AP3B1: variants seen among roughly 807,000 people sequenced by gnomAD.
AP3B1 encodes adaptor related protein complex 3 subunit beta 1.
In AP3B1, 61 loss-of-function variants were observed where a neutral mutation model predicts 132.5. The ratio of observed to expected loss-of-function variants is 0.46; its 90% CI spans 0.37 to 0.57. The LOEUF is 0.57. AP3B1 is among the 20% of genes least tolerant of loss of function. The probability of loss-of-function intolerance (pLI) is 0.00; values close to 1 mark genes in which losing one functional copy is unlikely to be tolerated. For missense variants in AP3B1, 1,120 were observed against 1,289.4 expected, an observed-to-expected ratio of 0.87 and a Z score of 2.01; for synonymous variants, 388 against 438.3, an observed-to-expected ratio of 0.89 and a Z score of 1.43.
intron 26 of AP3B1, among the ~76,000 whole-genome samples, chr5:78,004,002 C>T (rs1236983606): frequency 2.0e-5 from 3 of 152,136 alleles, no homozygotes; most frequent in African/African-American, 7.2e-5. Context: ...GGTTTGATTG[C>T]AGGGATGACT....
At chr5:78,210,323 C>T (rs1745682840) in intron 7 of AP3B1, among the ~76,000 whole-genome samples, 1 of 152,046 alleles carries the variant, frequency 6.6e-6, no homozygotes, top group African/African-American at 2.4e-5. Flanking sequence ...CCCTGAAGTA[C>T]CTCTGTACCT....
chr5:78,059,320 A>T (rs1386973227), intron 22 of AP3B1, among the ~76,000 whole-genome samples: 1 of 152,236 alleles, frequency 6.6e-6, no homozygotes, highest in Non-Finnish European at 1.5e-5. Context: ...TCCAGAAGGA[A>T]CATGGTCATG....
chr5:78,229,919 C>G (rs949679699), intron 3 of AP3B1, among the ~76,000 whole-genome samples: 2 of 151,994 alleles, frequency 1.3e-5, no homozygotes, highest in African/African-American at 4.8e-5. Flanking sequence ...CTGTCATGAC[C>G]TTCCTTCCTT....
chr5:78,152,020 C>T (rs1381237412), intron 14 of AP3B1, among the ~76,000 whole-genome samples: 8 of 68,278 alleles, frequency 1.2e-4, no homozygotes, highest in Non-Finnish European at 3.0e-5. Context: ...CCCTTCCCTC[C>T]CCTCCCCCTT....
At chr5:78,284,686 C>T (rs1273433082) in intron 1 of AP3B1, among the ~76,000 whole-genome samples, 1 of 152,122 alleles carries the variant, frequency 6.6e-6, no homozygotes, top group Non-Finnish European at 1.5e-5. Flanking sequence ...ATATATACTA[C>T]ATTAACCGAT....
At chr5:78,096,454 G>C (rs888194802) in intron 21 of AP3B1, among the ~76,000 whole-genome samples, 4 of 151,754 alleles carry the variant, frequency 2.6e-5, no homozygotes, top group African/African-American at 4.8e-5. Flanking sequence ...AGTGAGGAGC[G>C]TCTCTGCCTG....
intron 20 of AP3B1, 21 bp downstream of exon 20, chr5:78,110,186 A>T (rs1383383964): frequency 6.3e-7 from 1 of 1,590,192 alleles, no homozygotes. Flanking sequence ...CTTCAATTAC[A>T]ACAAATGTAT....
At chr5:78,116,024 C>G in intron 18 of AP3B1, 102 bp downstream of exon 18, 1 of 877,646 alleles carries the variant, frequency 1.1e-6, no homozygotes, top group Non-Finnish European at 1.9e-6. Context: ...ACAAACTTCA[C>G]TTAAAACTAC....
At chr5:78,280,078 A>G (rs1394095229) in intron 1 of AP3B1, among the ~76,000 whole-genome samples, 1 of 149,194 alleles carries the variant, frequency 6.7e-6, no homozygotes, top group East Asian at 2.0e-4. Flanking sequence ...GTCTCAAAAA[A>G]AAAAAAAAAA....
intron 2 of AP3B1, among the ~76,000 whole-genome samples, chr5:78,246,970 G>T (rs560350498): frequency 1.3e-5 from 2 of 152,014 alleles, no homozygotes; most frequent in Admixed American, 6.5e-5. Context: ...AAATTTCCTT[G>T]TAAGTACTGT....
intron 20 of AP3B1, among the ~76,000 whole-genome samples, chr5:78,107,278 G>A (rs937686961): frequency 6.6e-6 from 1 of 152,178 alleles, no homozygotes; most frequent in African/African-American, 2.4e-5. Flanking sequence ...AGGCTACTGG[G>A]TTTGGGGAAG....
chr5:78,181,410 C>A (rs1580453211), intron 8 of AP3B1, 97 bp downstream of exon 8: 2 of 1,135,288 alleles, frequency 1.8e-6, no homozygotes, highest in East Asian at 4.9e-5. Context: ...AACAAATGCT[C>A]CATTAGCACA....
chr5:78,279,348 G>C (rs557191765), intron 1 of AP3B1, among the ~76,000 whole-genome samples: 1 of 152,182 alleles, frequency 6.6e-6, no homozygotes, highest in South Asian at 2.1e-4. Context: ...TCTTATTTTA[G>C]TATCACAAAG....
intron 13 of AP3B1, among the ~76,000 whole-genome samples, chr5:78,161,332 G>T (rs887351579): frequency 6.6e-6 from 1 of 151,870 alleles, no homozygotes; most frequent in Non-Finnish European, 1.5e-5. Context: ...GTATTTGAAT[G>T]AACTAATCAG....
chr5:78,106,024 G>A (rs1286663239), intron 20 of AP3B1, among the ~76,000 whole-genome samples: 2 of 152,192 alleles, frequency 1.3e-5, no homozygotes, highest in Admixed American at 6.5e-5. Context: ...GAGAAGTGGA[G>A]GGTCACAGTG....
In AP3B1 at chr5:78,247,553, G is replaced by C. The variant is rs187945859; in HGVS notation, c.205-6617C>G. 2.6e-5 allele frequency among the ~76,000 whole-genome samples: 4 copies of C among 151,276 alleles called. No homozygotes were observed. In the East Asian group the frequency reaches 7.7e-4, roughly 29 times the overall value. On this transcript the variant is annotated intron_variant, in intron 2 of 26. Transcript: ENST00000255194. ...TTTGAAGCTCTGTTGTTAGACACATGTAAGATTATTATGTCTTTTTGGGAA... is the reference window on the plus strand; with the variant it reads ...TTTGAAGCTCTGTTGTTAGACACATCTAAGATTATTATGTCTTTTTGGGAA...
intron 22 of AP3B1, among the ~76,000 whole-genome samples, chr5:78,069,373 T>C (rs1372876796): frequency 6.6e-6 from 1 of 152,212 alleles, no homozygotes; most frequent in Non-Finnish European, 1.5e-5. Context: ...GCCCAAAAGC[T>C]TCTTAAGCTG....
At chr5:78,066,561 A>C (rs1749298756) in intron 22 of AP3B1, among the ~76,000 whole-genome samples, 1 of 152,238 alleles carries the variant, frequency 6.6e-6, no homozygotes, top group African/African-American at 2.4e-5. Flanking sequence ...CGGAGGAAAG[A>C]ATTTCTGAGC....
chr5:78,208,490 G>C (rs1018014167), intron 7 of AP3B1, among the ~76,000 whole-genome samples: 1 of 152,098 alleles, frequency 6.6e-6, no homozygotes, highest in African/African-American at 2.4e-5. Context: ...TCATGAGAAA[G>C]GGCAAAGGGT....
Sources: gnomAD v4.1 joint callset for allele counts (sites outside exome capture counted in the v4.1 genomes callset) on GRCh38, gnomAD v4.1.1 for gene constraint, MANE v1.5 for transcripts, NCBI Gene and HGNC (gene_info 2026-07-23, HGNC 2026-07-21) for gene names.